The following SHISAL1 variants were observed in gnomAD, a reference collection of about 807,000 sequenced individuals.
The protein encoded by SHISAL1 is shisa like 1.
In SHISAL1, 9 loss-of-function variants were observed where a neutral mutation model predicts 22.6. The ratio of observed to expected loss-of-function variants is 0.40; its 90% CI spans 0.24 to 0.70. The LOEUF (loss-of-function observed/expected upper bound fraction) is 0.70. Among genes scored for constraint, SHISAL1 ranks in the 30% least tolerant of loss-of-function variants. The pLI, the probability that SHISAL1 is intolerant of heterozygous loss-of-function variation, is 0.39. For synonymous variants in SHISAL1, 119 were observed against 115.4 expected, an observed-to-expected ratio of 1.03 and a Z score of -0.20; for missense variants, 246 against 270.6, an observed-to-expected ratio of 0.91 and a Z score of 0.64.
At chr22:44,263,857 G>A (rs1158830870) in intron 4 of SHISAL1, among the ~76,000 whole-genome samples, 1 of 152,190 alleles carries the variant, frequency 6.6e-6, no homozygotes, top group African/African-American at 2.4e-5. Flanking sequence ...CTGTCCTCTG[G>A]ATCTGTACAA....
At chr22:44,327,373 T>C in the SHISAL1 span, among the ~76,000 whole-genome samples, 4 of 151,536 alleles carry the variant, frequency 2.6e-5, no homozygotes, top group African/African-American at 9.7e-5. Flanking sequence ...CCTGGGCTTG[T>C]GGGAAGTGGG....
chr22:44,247,899 TCTTGTGCTTC>T lies in SHISAL1; in HGVS notation c.*1776_*1785del, dbSNP rs1256336797. 9.2e-5 allele frequency: 14 copies of T among 152,242 alleles called. No homozygotes were observed. Among genetic ancestry groups the T allele is most frequent in the Non-Finnish European group, 2.1e-4 (14 of 68,088 alleles). 9.4% of individuals were successfully genotyped at this position (152,242 alleles called of 1,614,324 possible). A position where few individuals can be genotyped will look rare whatever the true frequency, so the allele number is the denominator to read the frequency against. On this transcript the variant is annotated 3_prime_UTR_variant, in exon 5 of 5. Coordinates refer to ENST00000381176, the MANE Select transcript of SHISAL1 (RefSeq NM_001099294.2). ...CTGGCTTTCTTGTGCCACCTGGCTT[TCTTGTGCTTC>T]CTTGAAACCACCAAGCCTGTGGCTG...
chr22:44,291,071 G>A (rs927712549), intron 3 of SHISAL1, among the ~76,000 whole-genome samples: 3 of 152,214 alleles, frequency 2.0e-5, no homozygotes, highest in Non-Finnish European at 2.9e-5. Flanking sequence ...GACAAGTGAC[G>A]TGCTTTGGCC....
At chr22:44,280,069 T>A (rs979389195) in intron 4 of SHISAL1, among the ~76,000 whole-genome samples, 1 of 152,018 alleles carries the variant, frequency 6.6e-6, no homozygotes, top group East Asian at 1.9e-4. Context: ...TTCCAGCCAC[T>A]CCCCATCCCC....
At chr22:44,302,627 G>A (rs1013469326) in intron 1 of SHISAL1, among the ~76,000 whole-genome samples, 3 of 151,686 alleles carry the variant, frequency 2.0e-5, no homozygotes, top group Non-Finnish European at 4.4e-5. Context: ...AGGGGCAAAG[G>A]CCCTGGGGTG....
intron 4 of SHISAL1, among the ~76,000 whole-genome samples, chr22:44,267,450 A>C (rs1601782626): frequency 3.7e-5 from 5 of 133,920 alleles, no homozygotes; most frequent in African/African-American, 8.6e-5. Flanking sequence ...CACGGACTCC[A>C]CTCCCTGGTG....
intron 4 of SHISAL1, among the ~76,000 whole-genome samples, chr22:44,263,118 G>A (rs1235296832): frequency 4.8e-5 from 6 of 124,292 alleles, no homozygotes; most frequent in African/African-American, 3.1e-5. Context: ...AGTCTGTGTC[G>A]CCCAGGCAAT....
intron 4 of SHISAL1, among the ~76,000 whole-genome samples, chr22:44,267,415 C>T (rs990379786): frequency 2.6e-5 from 4 of 152,058 alleles, no homozygotes; most frequent in African/African-American, 9.7e-5. Flanking sequence ...CCTTCTCAGC[C>T]CCCACCCCAG....
chr22:44,297,754 T>C (rs1359472139), intron 2 of SHISAL1, among the ~76,000 whole-genome samples: 1 of 152,224 alleles, frequency 6.6e-6, no homozygotes, highest in African/African-American at 2.4e-5. Context: ...TAAAGCCCGC[T>C]CTCTCAGGCT....
Position 44,310,531 on chromosome 22 carries a change from T to C in SHISAL1, c.-33+2220A>G, listed in dbSNP as rs942369125. On this transcript the variant is annotated intron_variant, in intron 1 of 4. Coordinates refer to ENST00000381176, the MANE Select transcript of SHISAL1 (RefSeq NM_001099294.2). The surrounding 1 kb of genome is among the most constrained non-coding windows in gnomAD (Gnocchi z 4.0). Reference sequence around the variant, plus strand: ...TCACGGGCTTCAGCTTCCTCATCTGTGAAACGGGAGCCGTGCCCCACACCT... The same window carrying C: ...TCACGGGCTTCAGCTTCCTCATCTGCGAAACGGGAGCCGTGCCCCACACCT... Among the ~76,000 whole-genome samples, 1 of 152,118 alleles carries C rather than the reference T, an allele frequency of 6.6e-6. No individual in the cohort carries two copies. Among genetic ancestry groups the C allele is most frequent in the Non-Finnish European group, 1.5e-5 (1 of 68,030 alleles).
At chr22:44,269,648 A>G (rs754536201) in intron 4 of SHISAL1, among the ~76,000 whole-genome samples, 2 of 150,048 alleles carry the variant, frequency 1.3e-5, no homozygotes, top group East Asian at 1.9e-4. Flanking sequence ...CACAAACAAC[A>G]CACACACAAT....
chr22:44,291,943 CT>C, intron 3 of SHISAL1, among the ~76,000 whole-genome samples: 1 of 152,328 alleles, frequency 6.6e-6, no homozygotes, highest in Non-Finnish European at 1.5e-5. Context: ...GTCAGGGCCC[CT>C]GCCCCACCCC....
In SHISAL1 at chr22:44,291,029, T is replaced by G. The variant is rs528598505; in HGVS notation, c.282-5284A>C. On this transcript the variant is annotated intron_variant, in intron 3 of 4. Transcript: ENST00000381176. Reference sequence around the variant, plus strand: ...GTGTTCCCAATAGGGTCAATCCCTCTGTCTCTCCTCACTCCACTGGTAACA... The same window carrying G: ...GTGTTCCCAATAGGGTCAATCCCTCGGTCTCTCCTCACTCCACTGGTAACA... Among the ~76,000 whole-genome samples the G allele has an allele frequency of 3.9e-5, 6 of 152,320 alleles. No individual in the cohort carries two copies. The South Asian group carries it at 1.0e-3, about 26-fold the overall frequency.
At chr22:44,300,124 C>CGG (rs2055417203) in intron 2 of SHISAL1, among the ~76,000 whole-genome samples, 1 of 149,352 alleles carries the variant, frequency 6.7e-6, no homozygotes, top group African/African-American at 2.5e-5. Context: ...GAGACAGAGA[C>CGG]AGAGAGACAG....
chr22:44,262,274 T>G (rs1447914545), intron 4 of SHISAL1, among the ~76,000 whole-genome samples: 1 of 152,202 alleles, frequency 6.6e-6, no homozygotes, highest in Non-Finnish European at 1.5e-5. Context: ...ACAAGGAGCA[T>G]GGCTGTCATG....
the SHISAL1 span, among the ~76,000 whole-genome samples, chr22:44,329,056 C>T: frequency 1.3e-5 from 2 of 152,234 alleles, no homozygotes; most frequent in African/African-American, 4.8e-5. Flanking sequence ...AGGTGCCTAC[C>T]GCACGTGCAC....
At chr22:44,299,189 G>A (rs531626943) in intron 2 of SHISAL1, among the ~76,000 whole-genome samples, 2 of 152,332 alleles carry the variant, frequency 1.3e-5, no homozygotes, top group East Asian at 3.9e-4. Context: ...CTGCTCTGGG[G>A]CATGGCGTGA....
intron 1 of SHISAL1, among the ~76,000 whole-genome samples, chr22:44,305,383 A>G (rs2055463138): frequency 6.6e-6 from 1 of 152,202 alleles, no homozygotes; most frequent in Non-Finnish European, 1.5e-5. Context: ...CTACTAGGCC[A>G]TGAGGGTCCT....
chr22:44,291,446 C>T (rs1409526608), intron 3 of SHISAL1, among the ~76,000 whole-genome samples: 1 of 152,166 alleles, frequency 6.6e-6, no homozygotes, highest in Admixed American at 6.5e-5. Flanking sequence ...CCCTAGTGAA[C>T]GGGGCTAGTG....
Sources: allele counts gnomAD v4.1 joint callset (sites outside exome capture counted in the v4.1 genomes callset), GRCh38; gene constraint gnomAD v4.1.1; non-coding constraint Gnocchi (gnomAD v3.1); transcripts MANE v1.5; gene names NCBI Gene and HGNC (gene_info 2026-07-23, HGNC 2026-07-21).